Variants in MARCHF7 observed in about 807,000 individuals in gnomAD.
MARCHF7 encodes membrane associated ring-CH-type finger 7.
In MARCHF7, 20 loss-of-function variants were observed where a neutral mutation model predicts 76.5. The observed-to-expected ratio is 0.26, with a 90% CI of 0.18 to 0.38. MARCHF7 has a LOEUF of 0.38. Ranked by LOEUF, MARCHF7 falls within the 10% of genes least tolerant of loss-of-function variation. The probability of loss-of-function intolerance (pLI) is 1.00; values close to 1 mark genes in which losing one functional copy is unlikely to be tolerated. For missense variants in MARCHF7, 797 were observed against 812.9 expected, an observed-to-expected ratio of 0.98 and a Z score of 0.24; for synonymous variants, 295 against 293.0, an observed-to-expected ratio of 1.01 and a Z score of -0.07.
chr2:159,758,903 A>G (rs1048820647), intron 8 of MARCHF7, among the ~76,000 whole-genome samples: 1 of 152,224 alleles, frequency 6.6e-6, no homozygotes, highest in African/African-American at 2.4e-5. Context: ...TTAAGGAGGA[A>G]GTAGGAAGTA....
intron 4 of MARCHF7, among the ~76,000 whole-genome samples, chr2:159,731,754 CA>C (rs911349617): frequency 5.5e-5 from 8 of 145,248 alleles, no homozygotes; most frequent in South Asian, 4.3e-4. Flanking sequence ...AACTCCGTCT[CA>C]AAAAAAAAAT....
At chr2:159,766,560 CACTT>C (rs1376811612) in intron 11 of MARCHF7, among the ~76,000 whole-genome samples, 6 of 152,118 alleles carry the variant, frequency 3.9e-5, no homozygotes, top group Non-Finnish European at 8.8e-5. Context: ...CATAGTTTTA[CACTT>C]ACTATGTCTT....
chr2:159,718,318 A>G (rs2125286354), intron 3 of MARCHF7, among the ~76,000 whole-genome samples: 1 of 151,972 alleles, frequency 6.6e-6, no homozygotes, highest in Admixed American at 6.5e-5. Context: ...TCTATTTTGG[A>G]AAAAAATAGG....
intron 3 of MARCHF7, among the ~76,000 whole-genome samples, chr2:159,717,276 G>A (rs546517774): frequency 1.6e-4 from 25 of 152,124 alleles, no homozygotes; most frequent in African/African-American, 5.8e-4. Flanking sequence ...ATTACAAAGG[G>A]GGCTAATACT....
chr2:159,752,147 T>G (rs565653449), intron 7 of MARCHF7, among the ~76,000 whole-genome samples: 1 of 152,238 alleles, frequency 6.6e-6, no homozygotes, highest in Non-Finnish European at 1.5e-5. Flanking sequence ...AAATAAATGA[T>G]AGGTTAGCCT....
At chr2:159,742,255 T>G (rs961674021) in intron 4 of MARCHF7, among the ~76,000 whole-genome samples, 5 of 152,154 alleles carry the variant, frequency 3.3e-5, no homozygotes, top group African/African-American at 9.7e-5. Context: ...GGATTTTTTT[T>G]TTTTGTTTTT....
intron 10 of MARCHF7, among the ~76,000 whole-genome samples, chr2:159,763,652 C>T (rs951733774): frequency 1.3e-5 from 2 of 152,172 alleles, no homozygotes; most frequent in African/African-American, 4.8e-5. Context: ...ATTCTGAACA[C>T]TTCATGTCTT....
At chr2:159,758,350 TAAATA>T (rs1022789530) in intron 8 of MARCHF7, among the ~76,000 whole-genome samples, 1 of 152,208 alleles carries the variant, frequency 6.6e-6, no homozygotes, top group African/African-American at 2.4e-5. Flanking sequence ...AACAAGTAGA[TAAATA>T]ACATAAAATA....
intron 5 of MARCHF7, among the ~76,000 whole-genome samples, chr2:159,744,665 C>T (rs1704626785): frequency 6.6e-6 from 1 of 152,300 alleles, no homozygotes; most frequent in South Asian, 2.1e-4. Flanking sequence ...AAAGACGTGC[C>T]TATCTGAAGG....
At chr2:159,753,721 A>G (rs1705953178) in intron 8 of MARCHF7, among the ~76,000 whole-genome samples, 1 of 152,212 alleles carries the variant, frequency 6.6e-6, no homozygotes. Flanking sequence ...TTAGGGGGAC[A>G]AGAGTAGTAC....
chr2:159,743,314 C>T, intron 5 of MARCHF7, 61 bp downstream of exon 5: 1 of 1,486,638 alleles, frequency 6.7e-7, no homozygotes, highest in Non-Finnish European at 9.2e-7. Context: ...CACAGTTGTT[C>T]TTAGTTTTGG....
intron 3 of MARCHF7, among the ~76,000 whole-genome samples, chr2:159,718,669 G>A (rs1005972910): frequency 6.6e-6 from 1 of 152,162 alleles, no homozygotes; most frequent in Non-Finnish European, 1.5e-5. Context: ...TACCTGGTAG[G>A]CAGCTTGTGG....
intron 11 of MARCHF7, among the ~76,000 whole-genome samples, chr2:159,766,927 G>A (rs761240563): frequency 1.3e-5 from 2 of 152,128 alleles, no homozygotes; most frequent in African/African-American, 2.4e-5. Flanking sequence ...GTGTGTGAGA[G>A]CACTTGCCTT....
intron 3 of MARCHF7, among the ~76,000 whole-genome samples, chr2:159,727,116 T>C (rs1053547504): frequency 1.3e-5 from 2 of 152,178 alleles, no homozygotes; most frequent in African/African-American, 2.4e-5. Flanking sequence ...TACAATACAA[T>C]AATATTCAGC....
At position 159,759,265 on chromosome 2, in the gene MARCHF7, A is replaced by G. The variant is rs1706710526; in HGVS notation, c.1823A>G (p.Lys608Arg). The change falls in exon 9 of 12, where the codon AAA (lysine) becomes AGA (arginine). Residue 608 changes from lysine to arginine, a missense_variant. By Grantham distance (26) the Lys-to-Arg change is conservative (BLOSUM62 2). Around this residue, in one of 3 missense-constraint regions of MARCHF7, gnomAD observed 124 missense variants for 121.3 expected, o/e 1.02. Transcript: ENST00000409175. ...LEAVTTCELC[K>R]EKLELNLEDF... ...GCTGTAACCACCTGTGAACTATGTAAAGAGAAGTTGGAGCTTAACCTGGAG... is the reference window on the plus strand; with the variant it reads ...GCTGTAACCACCTGTGAACTATGTAGAGAGAAGTTGGAGCTTAACCTGGAG... 2 of 1,611,734 alleles carry G rather than the reference A, an allele frequency of 1.2e-6. No individual in the cohort carries two copies. The highest frequency in any genetic ancestry group is 1.7e-5 in the Admixed American group (1 of 59,904).
chr2:159,732,102 TCAAAAAAAA>T (rs1036491659), intron 4 of MARCHF7, among the ~76,000 whole-genome samples: 1 of 151,740 alleles, frequency 6.6e-6, no homozygotes, highest in African/African-American at 2.4e-5. Context: ...AGACTCTGTC[TCAAAAAAAA>T]CAAAAAACAA....
chr2:159,756,249 T>C (rs1005600563), intron 8 of MARCHF7, among the ~76,000 whole-genome samples: 1 of 152,240 alleles, frequency 6.6e-6, no homozygotes, highest in Non-Finnish European at 1.5e-5. Flanking sequence ...GGTTATTGTT[T>C]AAGAACATTG....
At chr2:159,726,723 G>GC (rs1702216628) in intron 3 of MARCHF7, among the ~76,000 whole-genome samples, 1 of 152,202 alleles carries the variant, frequency 6.6e-6, no homozygotes, top group African/African-American at 2.4e-5. Context: ...ATAATGTTGT[G>GC]CAAACATCAC....
intron 8 of MARCHF7, among the ~76,000 whole-genome samples, chr2:159,756,986 G>A (rs548561892): frequency 3.9e-5 from 6 of 152,152 alleles, no homozygotes; most frequent in Admixed American, 1.3e-4. Flanking sequence ...TCTGCCTCCC[G>A]AGTTCTAGTG....
Sources: gnomAD v4.1 joint callset for allele counts (sites outside exome capture counted in the v4.1 genomes callset) on GRCh38, gnomAD v4.1.1 for gene constraint, gnomAD v4.1.1 regional missense constraint, MANE v1.5 for transcripts, NCBI Gene and HGNC (gene_info 2026-07-23, HGNC 2026-07-21) for gene names.